Variants in KCNK2 observed in about 807,000 individuals in gnomAD.
KCNK2 encodes the protein potassium channel subfamily K member 2.
In KCNK2, 21 loss-of-function variants were observed where a neutral mutation model predicts 40.5. That is an observed-to-expected ratio of 0.52 (90% CI 0.37 to 0.75). KCNK2 has a LOEUF of 0.75. Among genes scored for constraint, KCNK2 ranks in the 30% least tolerant of loss-of-function variants. KCNK2 has a pLI of 0.00. For missense variants in KCNK2, 399 were observed against 531.6 expected, an observed-to-expected ratio of 0.75 and a Z score of 2.45; for synonymous variants, 191 against 202.2, an observed-to-expected ratio of 0.94 and a Z score of 0.47.
At chr1:215,138,670 G>A (rs946205134) in intron 3 of KCNK2, among the ~76,000 whole-genome samples, 2 of 152,090 alleles carry the variant, frequency 1.3e-5, no homozygotes, top group African/African-American at 2.4e-5. Context: ...GGGCAACAGC[G>A]GGAGACCCTG....
intron 5 of KCNK2, among the ~76,000 whole-genome samples, chr1:215,179,758 T>C (rs1466337191): frequency 6.6e-6 from 1 of 152,094 alleles, no homozygotes; most frequent in Non-Finnish European, 1.5e-5. Flanking sequence ...TTTAAATTTA[T>C]TGAGATTTGC....
At chr1:215,018,700 G>A (rs1209804614) in intron 1 of KCNK2, among the ~76,000 whole-genome samples, 1 of 152,188 alleles carries the variant, frequency 6.6e-6, no homozygotes, top group Non-Finnish European at 1.5e-5. Flanking sequence ...GGGTCAAAAT[G>A]AGGTTGGGGA....
chr1:215,153,569 TA>T (rs1409081195), intron 3 of KCNK2, among the ~76,000 whole-genome samples: 7 of 149,156 alleles, frequency 4.7e-5, no homozygotes, highest in African/African-American at 1.8e-4. Flanking sequence ...CGTTGTTATA[TA>T]TATATATATA....
chr1:215,050,499 G>A (rs996019018), intron 1 of KCNK2, among the ~76,000 whole-genome samples: 13 of 152,092 alleles, frequency 8.5e-5, no homozygotes, highest in South Asian at 8.3e-4. Context: ...CCTGTACTTC[G>A]TTCATTCATA....
chr1:215,012,496 A>G (rs1180776367), intron 1 of KCNK2, among the ~76,000 whole-genome samples: 2 of 149,992 alleles, frequency 1.3e-5, no homozygotes, highest in African/African-American at 4.9e-5. Flanking sequence ...TTTTTGAGAC[A>G]GGATCTCACT....
intron 2 of KCNK2, among the ~76,000 whole-genome samples, chr1:215,110,613 T>A (rs1203829709): frequency 1.6e-4 from 25 of 152,144 alleles, no homozygotes. Flanking sequence ...TCGACATTTA[T>A]TTTTGTTTTG....
intron 1 of KCNK2, among the ~76,000 whole-genome samples, chr1:215,076,638 T>C (rs1658936664): frequency 6.6e-6 from 1 of 152,168 alleles, no homozygotes; most frequent in South Asian, 2.1e-4. Flanking sequence ...CCAGACTGTT[T>C]GTAACCTAAT....
intron 3 of KCNK2, among the ~76,000 whole-genome samples, chr1:215,126,684 A>G (rs912783585): frequency 4.6e-5 from 7 of 152,152 alleles, no homozygotes; most frequent in African/African-American, 7.2e-5. Context: ...TTTTGCAGAC[A>G]TACACTTCAA....
intron 6 of KCNK2, among the ~76,000 whole-genome samples, chr1:215,232,534 C>T (rs1365000558): frequency 6.6e-6 from 1 of 152,082 alleles, no homozygotes; most frequent in Non-Finnish European, 1.5e-5. Flanking sequence ...TAAATTTATT[C>T]ATTTAACAGG....
chr1:215,097,955 C>T (rs547436272), intron 2 of KCNK2, among the ~76,000 whole-genome samples: 7 of 151,970 alleles, frequency 4.6e-5, no homozygotes, highest in South Asian at 4.2e-4. Context: ...ATTAAATATC[C>T]GCATAGGTTA....
chr1:215,067,692 C>T (rs1230908754), intron 1 of KCNK2, among the ~76,000 whole-genome samples: 1 of 151,898 alleles, frequency 6.6e-6, no homozygotes, highest in Non-Finnish European at 1.5e-5. Flanking sequence ...GGTGAAACCC[C>T]GTCTCTACTA....
At chr1:215,058,650 T>C (rs1306785007) in intron 1 of KCNK2, among the ~76,000 whole-genome samples, 2 of 152,172 alleles carry the variant, frequency 1.3e-5, no homozygotes, top group Non-Finnish European at 2.9e-5. Context: ...GTACTATGTT[T>C]AAAATCCAAA....
intron 4 of KCNK2, among the ~76,000 whole-genome samples, chr1:215,169,850 T>C (rs1558123014): frequency 1.3e-5 from 2 of 152,100 alleles, no homozygotes; most frequent in Admixed American, 1.3e-4. Context: ...TTCACCATGT[T>C]GGCCAGGTTG....
chr1:215,127,066 A>G (rs966015845), intron 3 of KCNK2, among the ~76,000 whole-genome samples: 4 of 152,178 alleles, frequency 2.6e-5, no homozygotes, highest in Non-Finnish European at 5.9e-5. Flanking sequence ...TGAACTTTGA[A>G]GTGATTTTTA....
intron 6 of KCNK2, among the ~76,000 whole-genome samples, chr1:215,196,205 T>C (rs1664858399): frequency 6.6e-6 from 1 of 152,018 alleles, no homozygotes; most frequent in Non-Finnish European, 1.5e-5. Context: ...CACCTCAGCC[T>C]CCCGAGTATC....
intron 5 of KCNK2, among the ~76,000 whole-genome samples, chr1:215,173,477 A>G (rs1663814812): frequency 6.6e-6 from 1 of 152,184 alleles, no homozygotes; most frequent in Non-Finnish European, 1.5e-5. Context: ...TCCTTTGGGT[A>G]TATACCCAGT....
chr1:215,095,517 C>T (rs1659939624), intron 2 of KCNK2, among the ~76,000 whole-genome samples: 1 of 152,112 alleles, frequency 6.6e-6, no homozygotes, highest in Admixed American at 6.6e-5. Context: ...CCAAGGACCC[C>T]TCTGCCTGTT....
intron 3 of KCNK2, among the ~76,000 whole-genome samples, chr1:215,142,194 T>C (rs952453498): frequency 1.3e-5 from 2 of 152,156 alleles, no homozygotes; most frequent in Admixed American, 6.6e-5. Flanking sequence ...ATTTTGTCTT[T>C]AAATCACAGT....
chr1:215,160,095 A>G (rs1311534280), intron 3 of KCNK2, among the ~76,000 whole-genome samples: 3 of 152,212 alleles, frequency 2.0e-5, no homozygotes, highest in Non-Finnish European at 4.4e-5. Context: ...TACAATGTAT[A>G]ATCTTGAATT....
Sources: gnomAD v4.1 joint callset for allele counts (sites outside exome capture counted in the v4.1 genomes callset) on GRCh38, gnomAD v4.1.1 for gene constraint, MANE v1.5 for transcripts, NCBI Gene and HGNC (gene_info 2026-07-23, HGNC 2026-07-21) for gene names.